Variants in MLKL observed in about 807,000 individuals in gnomAD.
MLKL encodes the protein mixed lineage kinase domain like pseudokinase, also known as mixed lineage kinase domain-like protein.
MLKL carries 55 observed loss-of-function variants against 56.5 expected under a neutral mutation model. The observed-to-expected ratio is 0.97, with a 90% CI of 0.78 to 1.22. The LOEUF (loss-of-function observed/expected upper bound fraction) is 1.22, where lower values mean the gene tolerates loss of function less well. Among genes scored for constraint, MLKL ranks in the 50% most tolerant of loss-of-function variants. The pLI is 0.00. For missense variants in MLKL, 694 were observed against 573.9 expected, an observed-to-expected ratio of 1.21 and a Z score of -2.14; for synonymous variants, 251 against 208.3, an observed-to-expected ratio of 1.20 and a Z score of -1.76.
intron 10 of MLKL, 48 bp downstream of exon 10, chr16:74,674,911 TG>T (rs1339380377): frequency 6.3e-7 from 1 of 1,579,876 alleles, no homozygotes; most frequent in Admixed American, 1.9e-5. Context: ...CTTTCACAAG[TG>T]TGAAATAATG....
intron 3 of MLKL, 29 bp from the exon 4 acceptor site, chr16:74,691,492 C>T (rs1378194290): frequency 1.1e-5 from 18 of 1,595,842 alleles, no homozygotes; most frequent in Non-Finnish European, 1.5e-5. Flanking sequence ...GGAAAGAAGA[C>T]AAAAGAGTCA....
At chr16:74,696,956 T>TATATATAGTAATATATATGTAATATTAC (rs1961080478) in intron 1 of MLKL, among the ~76,000 whole-genome samples, 2 of 138,442 alleles carry the variant, frequency 1.4e-5, no homozygotes, top group Non-Finnish European at 1.5e-5. Flanking sequence ...TAATATTACA[T>TATATATAGTAATATATATGTAATATTAC]ATATATAGTA....
In MLKL at chr16:74,675,732, A is replaced by C. The variant is rs761525575; in HGVS notation, c.1071T>G (p.Thr357=). 6.2e-7 allele frequency: 1 copy of C among 1,614,164 alleles called. No homozygotes were observed. Among genetic ancestry groups the C allele is most frequent in the South Asian group, 1.1e-5 (1 of 91,074 alleles). ...CTCTCGTAGTTCCCAAACTCATGGA[A>C]GTCTGTGTTTTCCTCAACTCAAATC... ...LAGFELRKTQ[T]SMSLGTTREK... Residue 357 remains threonine (T), a synonymous_variant, in exon 8 of 11, where the codon ACT becomes ACG. Transcript: ENST00000308807.
intron 10 of MLKL, among the ~76,000 whole-genome samples, chr16:74,674,014 A>G (rs749479767): frequency 6.6e-6 from 1 of 151,540 alleles, no homozygotes; most frequent in Non-Finnish European, 1.5e-5. Context: ...GGAAATAGGC[A>G]GGAAGAAAGT....
chr16:74,686,134 A>AT (rs1192780307), intron 4 of MLKL, among the ~76,000 whole-genome samples: 6 of 151,222 alleles, frequency 4.0e-5, no homozygotes, highest in Non-Finnish European at 7.4e-5. Flanking sequence ...TAATTTTTGT[A>AT]TTTTTTTTGC....
At chr16:74,686,555 C>G (rs1377601713) in intron 4 of MLKL, among the ~76,000 whole-genome samples, 9 of 152,182 alleles carry the variant, frequency 5.9e-5, no homozygotes, top group Admixed American at 5.9e-4. Flanking sequence ...TGCACTCCAG[C>G]CTGGGTGACA....
In MLKL at chr16:74,672,163, C is replaced by A. The variant is rs191146204; in HGVS notation, c.*341G>T. 75 of 224,408 alleles carry A rather than the reference C, an allele frequency of 3.3e-4. No individual in the cohort carries two copies. The highest frequency in any genetic ancestry group is 1.6e-3 in the African/African-American group (73 of 44,370). The allele number at this position is 224,408 out of a possible 1,614,324, so 13.9% of individuals were successfully genotyped here. A position where few individuals can be genotyped will look rare whatever the true frequency, so the allele number is the denominator to read the frequency against. ...TTCTTCCACATTCTATTGATCAAAT[C>A]AAGTCACAGTGCCAGCCCAGATTCA... On this transcript the variant is annotated 3_prime_UTR_variant, in exon 11 of 11. Transcript: ENST00000308807.
rs772630477 is a variant in MLKL, at chr16:74,675,607, G to A, written c.1190+6C>T. On this transcript the variant is annotated splice_donor_region_variant and intron_variant, in intron 8 of 10. Transcript: ENST00000308807. The stretch of plus-strand genomic sequence containing the variant: ...AGTTAGAATCTGTACCAGAACGTGA[G>A]TGTACCTGTATATTTCAGACTTTAC... The A allele has an allele frequency of 2.5e-6, 4 of 1,611,924 alleles. No homozygotes were observed. The Admixed American group carries it at 5.0e-5, about 20-fold the overall frequency.
intron 8 of MLKL, 27 bp from the exon 9 acceptor site, chr16:74,675,431 A>C (rs771792027): frequency 5.0e-6 from 8 of 1,610,890 alleles, no homozygotes; most frequent in Non-Finnish European, 5.9e-6. Context: ...AAACTGAACA[A>C]CCATAACTAG....
chr16:74,682,781 G>A lies in MLKL; in HGVS notation c.826C>T (p.Pro276Ser). The A allele has an allele frequency of 6.2e-7, 1 of 1,614,090 alleles. No individual in the cohort carries two copies. Among genetic ancestry groups the A allele is most frequent in the Non-Finnish European group, 8.5e-7 (1 of 1,179,996 alleles). ...FGICIDETVT[P>S]PQFSIVMEYC... is the part of the protein sequence containing the mutation. The stretch of plus-strand genomic sequence containing the variant: ...TCCATGACAATGGAGAATTGAGGCG[G>A]AGTCACTGGTGGAAAGGAGCCAGAC... The change falls in exon 6 of 11, where the codon CCG (proline) becomes TCG (serine). Residue 276 changes from proline to serine, a missense_variant. By Grantham distance (74) the Pro-to-Ser change is moderately conservative (BLOSUM62 -1). Transcript: ENST00000308807.
intron 10 of MLKL, 39 bp downstream of exon 10, chr16:74,674,921 T>C (rs778619070): frequency 8.2e-6 from 13 of 1,587,636 alleles, no homozygotes; most frequent in Admixed American, 1.8e-5. Context: ...TGTGAAATAA[T>C]GATGGGGCTC....
intron 1 of MLKL, among the ~76,000 whole-genome samples, chr16:74,699,888 G>A (rs1434172281): frequency 6.6e-6 from 1 of 152,130 alleles, no homozygotes; most frequent in Non-Finnish European, 1.5e-5. Context: ...GCTGCAGTGA[G>A]CTATGATTGT....
intron 4 of MLKL, among the ~76,000 whole-genome samples, chr16:74,689,336 G>C (rs1960527806): frequency 6.6e-6 from 1 of 152,034 alleles, no homozygotes; most frequent in Non-Finnish European, 1.5e-5. Flanking sequence ...GGCTGGTCTT[G>C]AACTCCTGAC....
Position 74,695,662 on chromosome 16 carries a change from G to A in MLKL, c.96C>T (p.Gly32=), listed in dbSNP as rs1960993690. Reference sequence around the variant, plus strand: ...GCTTGATCAGGCCGAGGACGCGGTGGCCCAGGCGCCGGCACTGTTTCTTGC... The same window carrying A: ...GCTTGATCAGGCCGAGGACGCGGTGACCCAGGCGCCGGCACTGTTTCTTGC... ...KYCKKQCRRL[G]HRVLGLIKPL... is the part of the protein sequence containing the mutation. Residue 32 remains glycine, a synonymous_variant, in exon 2 of 11, where the codon GGC becomes GGT. Coordinates refer to ENST00000308807, the MANE Select transcript of MLKL (RefSeq NM_152649.4). 2 of 1,613,992 alleles carry A rather than the reference G, an allele frequency of 1.2e-6. No individual in the cohort carries two copies. Among genetic ancestry groups the A allele is most frequent in the African/African-American group, 1.3e-5 (1 of 74,896 alleles).
At chr16:74,676,042 T>C (rs4476202) in intron 7 of MLKL, 194,434 of 395,924 alleles carry the variant, frequency 0.49, 48,755 homozygotes, top group East Asian at 0.78. Context: ...AAAGCACCAG[T>C]AAGACCTGCT....
At chr16:74,693,131 A>C (rs188032139) in intron 2 of MLKL, among the ~76,000 whole-genome samples, 1 of 152,284 alleles carries the variant, frequency 6.6e-6, no homozygotes, top group East Asian at 1.9e-4. Context: ...TTTACCTAGC[A>C]ATTCCACTTC....
intron 1 of MLKL, among the ~76,000 whole-genome samples, chr16:74,696,031 T>C (rs1026650267): frequency 1.3e-5 from 2 of 152,200 alleles, no homozygotes; most frequent in Non-Finnish European, 2.9e-5. Flanking sequence ...TTCTCACCAA[T>C]GGGGTTTAAG....
Position 74,685,702 on chromosome 16 carries a change from T to G in MLKL, c.723-119A>C, listed in dbSNP as rs546128920. ...GGGTATCAGCATCTGGGGTGAGAAC[T>G]GGTGCCAGGATGAACTCAGCTACTG... is the stretch of plus-strand genomic sequence containing the variant. On this transcript the variant is annotated intron_variant, in intron 4 of 10. Coordinates refer to ENST00000308807, the MANE Select transcript of MLKL (RefSeq NM_152649.4). 1,292 of 739,384 alleles carry G rather than the reference T, an allele frequency of 1.7e-3. 1 individual carries two copies. Among genetic ancestry groups the G allele is most frequent in the Middle Eastern group, 4.0e-3 (17 of 4,270 alleles). 45.8% of individuals were successfully genotyped at this position (739,384 alleles called of 1,614,324 possible).
At chr16:74,685,962 CT>C (rs398029921) in intron 4 of MLKL, among the ~76,000 whole-genome samples, 370 of 142,026 alleles carry the variant, frequency 2.6e-3, no homozygotes, top group Non-Finnish European at 2.5e-3. Flanking sequence ...TGGTGTGTGT[CT>C]TTTTTTTTTT....
Sources: gnomAD v4.1 joint callset for allele counts (sites outside exome capture counted in the v4.1 genomes callset) on GRCh38, gnomAD v4.1.1 for gene constraint, MANE v1.5 for transcripts, NCBI Gene and HGNC (gene_info 2026-07-23, HGNC 2026-07-21) for gene names.